Variants in DGKG observed in about 807,000 individuals in gnomAD.
The protein encoded by DGKG is DAG kinase gamma.
A neutral mutation model predicts 105.3 loss-of-function variants in DGKG; 78 were observed. That is an observed-to-expected ratio of 0.74 (90% confidence interval 0.62 to 0.89). The LOEUF is 0.89. Among genes scored for constraint, DGKG ranks in the 40% least tolerant of loss-of-function variants. DGKG has a pLI of 0.00. For missense variants in DGKG, 958 were observed against 1,020.1 expected (o/e 0.94, Z 0.83); for synonymous variants, 346 against 367.1 (o/e 0.94, Z 0.66).
At chr3:186,165,829 A>T (rs1716517237) in intron 22 of DGKG, among the ~76,000 whole-genome samples, 1 of 152,202 alleles carries the variant, frequency 6.6e-6, no homozygotes, top group African/African-American at 2.4e-5. Context: ...TGGGCTCAAA[A>T]CTCACTTTTC....
At chr3:186,274,600 A>G (rs541566313) in intron 10 of DGKG, among the ~76,000 whole-genome samples, 1 of 131,386 alleles carries the variant, frequency 7.6e-6, no homozygotes, top group Non-Finnish European at 1.5e-5. Flanking sequence ...AAGTGTTCTC[A>G]TTGTCCAATT....
At chr3:186,295,979 C>T (rs1405418720) in intron 5 of DGKG, among the ~76,000 whole-genome samples, 1 of 152,054 alleles carries the variant, frequency 6.6e-6, no homozygotes, top group Non-Finnish European at 1.5e-5. Context: ...CGTGGCAGCA[C>T]ACTCTTGTAA....
At chr3:186,185,170 C>T (rs1005581543) in intron 22 of DGKG, among the ~76,000 whole-genome samples, 1 of 152,194 alleles carries the variant, frequency 6.6e-6, no homozygotes, top group South Asian at 2.1e-4. Context: ...CACTAAAATA[C>T]GTTGCCTCTT....
At chr3:186,215,213 C>T (rs1719218989) in intron 20 of DGKG, among the ~76,000 whole-genome samples, 1 of 152,104 alleles carries the variant, frequency 6.6e-6, no homozygotes, top group African/African-American at 2.4e-5. Context: ...GAGTTCGAGA[C>T]CCGCCTGGCC....
intron 1 of DGKG, among the ~76,000 whole-genome samples, chr3:186,351,088 G>A (rs1204328365): frequency 2.0e-5 from 3 of 152,072 alleles, no homozygotes; most frequent in Non-Finnish European, 1.5e-5. Flanking sequence ...ATTCTTCTAG[G>A]AGTCCTTTTC....
Position 186,148,185 on chromosome 3 carries a change from G to A in DGKG, c.*1905C>T, listed in dbSNP as rs955003911. Reference sequence around the variant, plus strand: ...CATGGCCTTGCCCTTGGGAAAGGATGGTAATGCTGGCACTTGCTGAATGAA... The same window carrying A: ...CATGGCCTTGCCCTTGGGAAAGGATAGTAATGCTGGCACTTGCTGAATGAA... On this transcript the variant is annotated 3_prime_UTR_variant, in exon 25 of 25. Coordinates refer to ENST00000265022, the MANE Select transcript of DGKG (RefSeq NM_001346.3). 2.0e-6 allele frequency: 2 copies of A among 985,372 alleles called. No individual in the cohort carries two copies. Among genetic ancestry groups the A allele is most frequent in the African/African-American group, 1.7e-5 (1 of 57,254 alleles). The allele number at this position is 985,372 out of a possible 1,614,324, so 61.0% of individuals were successfully genotyped here.
intron 3 of DGKG, among the ~76,000 whole-genome samples, chr3:186,302,314 A>T (rs1049337263): frequency 6.6e-6 from 1 of 151,678 alleles, no homozygotes; most frequent in Non-Finnish European, 1.5e-5. Context: ...TAATCAGTGC[A>T]CCTGAGGAAT....
intron 8 of DGKG, 71 bp downstream of exon 8, chr3:186,280,599 A>C: frequency 8.2e-7 from 1 of 1,225,078 alleles, no homozygotes; most frequent in Non-Finnish European, 1.2e-6. Flanking sequence ...ACACTCATTC[A>C]TGTCTTGAGT....
chr3:186,328,043 A>C (rs1035652408), intron 1 of DGKG, among the ~76,000 whole-genome samples: 2 of 152,198 alleles, frequency 1.3e-5, no homozygotes, highest in African/African-American at 4.8e-5. Context: ...TAGCACTAGC[A>C]AAGTGCCTGG....
At position 186,149,236 on chromosome 3, in the gene DGKG, GT is replaced by G. The variant is rs112666920; in HGVS notation, c.*853del. ...TTGAAAAAGAAAGAAGCTGGGGGTG[GT>G]TTTTTTTTTCCTTCCCTTTTTACAC... On this transcript the variant is annotated 3_prime_UTR_variant, in exon 25 of 25. Coordinates refer to ENST00000265022, the MANE Select transcript of DGKG (RefSeq NM_001346.3). 173 of 945,988 alleles carry G rather than the reference GT, an allele frequency of 1.8e-4. 2 individuals carry two copies. The Middle Eastern group carries it at 2.2e-3, about 12-fold the overall frequency. The allele number at this position is 945,988 out of a possible 1,614,324, so 58.6% of individuals were successfully genotyped here. A position where few individuals can be genotyped will look rare whatever the true frequency, so the allele number is the denominator to read the frequency against.
At chr3:186,343,991 C>T (rs1470827511) in intron 1 of DGKG, among the ~76,000 whole-genome samples, 1 of 152,084 alleles carries the variant, frequency 6.6e-6, no homozygotes, top group Non-Finnish European at 1.5e-5. Flanking sequence ...TGTTGTTTAT[C>T]TTTAAAATCC....
At chr3:186,240,779 C>T (rs900342664) in intron 20 of DGKG, among the ~76,000 whole-genome samples, 14 of 149,422 alleles carry the variant, frequency 9.4e-5, no homozygotes, top group Non-Finnish European at 1.6e-4. Context: ...CACTGCACTC[C>T]AGGCTGAGCA....
chr3:186,266,227 T>C (rs1722050047), intron 13 of DGKG, among the ~76,000 whole-genome samples: 1 of 152,234 alleles, frequency 6.6e-6, no homozygotes, highest in Non-Finnish European at 1.5e-5. Context: ...AATGGATTCA[T>C]AGAGCATATC....
chr3:186,335,734 G>C (rs1406006348), intron 1 of DGKG, among the ~76,000 whole-genome samples: 6 of 152,136 alleles, frequency 3.9e-5, no homozygotes, highest in Non-Finnish European at 7.4e-5. Context: ...TGACATTTTA[G>C]TTCTATAAGT....
At chr3:186,252,968 G>T in intron 18 of DGKG, 125 bp downstream of exon 18, 2 of 771,204 alleles carry the variant, frequency 2.6e-6, no homozygotes, top group Non-Finnish European at 4.4e-6. Flanking sequence ...TGACATGACT[G>T]CAGAGTTGAG....
intron 1 of DGKG, among the ~76,000 whole-genome samples, chr3:186,332,936 C>T (rs1725668613): frequency 6.6e-6 from 1 of 152,030 alleles, no homozygotes; most frequent in Admixed American, 6.6e-5. Flanking sequence ...ACACGTTCAG[C>T]CCCCTCACCA....
chr3:186,169,273 C>A (rs1451322875), intron 22 of DGKG, among the ~76,000 whole-genome samples: 1 of 152,142 alleles, frequency 6.6e-6, no homozygotes, highest in African/African-American at 2.4e-5. Flanking sequence ...AGCATTCTCT[C>A]AACTAGGTAA....
At chr3:186,239,614 G>A (rs1002397182) in intron 20 of DGKG, among the ~76,000 whole-genome samples, 8 of 152,232 alleles carry the variant, frequency 5.3e-5, no homozygotes, top group African/African-American at 1.7e-4. Flanking sequence ...GAAGCAGTAT[G>A]TATGCAAAGT....
Position 186,287,390 on chromosome 3 carries a change from A to G in DGKG, c.544+1320T>C, listed in dbSNP as rs939638448. On this transcript the variant is annotated intron_variant, in intron 6 of 24. Coordinates refer to ENST00000265022, the MANE Select transcript of DGKG (RefSeq NM_001346.3). ...AGGCAGAGGGAATGGTGGGAAGTAT[A>G]AACACAACAAGATTGACCATGAGTT... Among the ~76,000 whole-genome samples the G allele has an allele frequency of 4.6e-5, 7 of 152,350 alleles. No individual in the cohort carries two copies. In the East Asian group the frequency reaches 1.3e-3, roughly 29 times the overall value.
Sources: gnomAD v4.1 joint callset for allele counts (sites outside exome capture counted in the v4.1 genomes callset) on GRCh38, gnomAD v4.1.1 for gene constraint, MANE v1.5 for transcripts, NCBI Gene and HGNC (gene_info 2026-07-23, HGNC 2026-07-21) for gene names.